Variants in PDE7B observed in about 807,000 individuals in gnomAD.
PDE7B encodes the protein phosphodiesterase 7B, also known as 3',5'-cyclic-AMP phosphodiesterase 7B.
A neutral mutation model predicts 56.2 loss-of-function variants in PDE7B; 29 were observed. That is an observed-to-expected ratio of 0.52 (90% CI 0.38 to 0.70). The LOEUF (loss-of-function observed/expected upper bound fraction) is 0.70, where lower values mean the gene tolerates loss of function less well. PDE7B is among the 30% of genes least tolerant of loss of function. The pLI, the probability that PDE7B is intolerant of heterozygous loss-of-function variation, is 0.00. For synonymous variants in PDE7B, 197 were observed against 196.9 expected (o/e 1.00, Z 0.00); for missense variants, 490 against 565.0 (o/e 0.87, Z 1.35).
At chr6:136,096,121 T>A (rs1777467769) in intron 2 of PDE7B, 1 of 152,226 alleles carries the variant, frequency 6.6e-6, no homozygotes, top group Non-Finnish European at 1.5e-5. Context: ...CCCAAATACT[T>A]CCTGGTGCTG....
intron 2 of PDE7B, among the ~76,000 whole-genome samples, chr6:135,985,531 T>G (rs966240133): frequency 6.6e-6 from 1 of 152,220 alleles, no homozygotes; most frequent in Non-Finnish European, 1.5e-5. Flanking sequence ...GGGAACAATT[T>G]CTTTGGACAT....
intron 2 of PDE7B, among the ~76,000 whole-genome samples, chr6:136,042,791 C>T (rs1288118592): frequency 3.3e-5 from 5 of 152,140 alleles, no homozygotes; most frequent in South Asian, 2.1e-4. Flanking sequence ...GAAGAATGAA[C>T]ATTTCGATCA....
At chr6:136,141,178 G>T (rs896912027) in intron 3 of PDE7B, among the ~76,000 whole-genome samples, 81 of 152,248 alleles carry the variant, frequency 5.3e-4, no homozygotes, top group African/African-American at 1.7e-3. Context: ...AGCATGAAGG[G>T]TTGTTGAATT....
intron 2 of PDE7B, among the ~76,000 whole-genome samples, chr6:136,045,585 T>C (rs1381761082): frequency 6.6e-6 from 1 of 152,114 alleles, no homozygotes; most frequent in Non-Finnish European, 1.5e-5. Flanking sequence ...AGAAAACTTG[T>C]CAGCCTTGTA....
At chr6:136,087,207 T>C (rs1777308103) in intron 2 of PDE7B, among the ~76,000 whole-genome samples, 1 of 152,224 alleles carries the variant, frequency 6.6e-6, no homozygotes, top group Admixed American at 6.5e-5. Context: ...CGTCGATTAA[T>C]GGAGCAAACA....
chr6:136,169,449 A>G (rs761567746), intron 8 of PDE7B, among the ~76,000 whole-genome samples: 34 of 152,136 alleles, frequency 2.2e-4, no homozygotes, highest in Non-Finnish European at 4.9e-4. Flanking sequence ...AAATTTCCTA[A>G]GTATCCTTTT....
chr6:136,076,786 T>C (rs1287842344), intron 2 of PDE7B, among the ~76,000 whole-genome samples: 1 of 152,000 alleles, frequency 6.6e-6, no homozygotes, highest in African/African-American at 2.4e-5. Context: ...ACAATGGCAA[T>C]GGGAACACCT....
intron 2 of PDE7B, among the ~76,000 whole-genome samples, chr6:136,010,141 A>G (rs1775866415): frequency 6.6e-6 from 1 of 152,148 alleles, no homozygotes; most frequent in South Asian, 2.1e-4. Context: ...CATTTGTTTC[A>G]AAGAACTTCT....
At chr6:136,171,575 T>C (rs890309961) in intron 8 of PDE7B, among the ~76,000 whole-genome samples, 8 of 152,164 alleles carry the variant, frequency 5.3e-5, no homozygotes, top group Non-Finnish European at 1.0e-4. Flanking sequence ...TAGTATAATC[T>C]TGGATTATGT....
intron 2 of PDE7B, chr6:136,038,026 A>G (rs1243620845): frequency 1.5e-6 from 2 of 1,318,012 alleles, no homozygotes; most frequent in African/African-American, 3.0e-5. Context: ...CTCACCAGAG[A>G]GAAACCTAGG....
intron 2 of PDE7B, among the ~76,000 whole-genome samples, chr6:136,017,398 T>C (rs1251082794): frequency 2.0e-5 from 3 of 152,310 alleles, no homozygotes; most frequent in African/African-American, 7.2e-5. Context: ...ACGTGCAGGT[T>C]TGTTACATAT....
chr6:136,045,531 G>T (rs1776487658), intron 2 of PDE7B, among the ~76,000 whole-genome samples: 1 of 152,120 alleles, frequency 6.6e-6, no homozygotes, highest in Non-Finnish European at 1.5e-5. Context: ...AATGCTGAGG[G>T]GTACTCCAGT....
At chr6:136,181,541 G>A (rs528095978) in intron 11 of PDE7B, among the ~76,000 whole-genome samples, 2 of 152,304 alleles carry the variant, frequency 1.3e-5, no homozygotes, top group Admixed American at 1.3e-4. Flanking sequence ...TACAGAAACA[G>A]GTAGTAATGA....
At chr6:135,906,827 T>TTTTTTTG (rs1562434150) in intron 1 of PDE7B, among the ~76,000 whole-genome samples, 2 of 133,544 alleles carry the variant, frequency 1.5e-5, no homozygotes, top group South Asian at 2.7e-4. Context: ...TTTTTTTTTT[T>TTTTTTTG]TTTTTTTTTA....
chr6:135,854,055 CTT>C (rs1774982401), intron 1 of PDE7B, among the ~76,000 whole-genome samples: 1 of 152,148 alleles, frequency 6.6e-6, no homozygotes, highest in Non-Finnish European at 1.5e-5. Context: ...AACACTGACA[CTT>C]TATTTTCAGC....
chr6:136,181,261 G>A lies in PDE7B; in HGVS notation c.983G>A (p.Cys328Tyr), dbSNP rs1463059494. 6.2e-7 allele frequency: 1 copy of A among 1,613,936 alleles called. No homozygotes were observed. Among genetic ancestry groups the A allele is most frequent in the Non-Finnish European group, 8.5e-7 (1 of 1,179,832 alleles). ...ALKCADICNP[C>Y]RIWEMSKQWS... ...AAGTGTGCTGACATTTGCAATCCTT[G>A]TAGAATCTGGGAGATGAGCAAGCAG... The change falls in exon 11 of 13, where the codon TGT (cysteine) becomes TAT (tyrosine). Residue 328 changes from cysteine (C) to tyrosine (Y), a missense_variant. Coordinates refer to ENST00000308191, the MANE Select transcript of PDE7B (RefSeq NM_018945.4).
chr6:135,958,281 C>T (rs1774835728), intron 2 of PDE7B, among the ~76,000 whole-genome samples: 1 of 152,236 alleles, frequency 6.6e-6, no homozygotes, highest in East Asian at 1.9e-4. Flanking sequence ...AATTCTGGTT[C>T]ATTTTCCGCT....
intron 2 of PDE7B, among the ~76,000 whole-genome samples, chr6:135,967,058 A>G (rs1247051228): frequency 6.6e-6 from 1 of 152,164 alleles, no homozygotes; most frequent in African/African-American, 2.4e-5. Context: ...ACTCATGGAT[A>G]TTCAGGTACA....
chr6:136,099,966 G>T lies in PDE7B; in HGVS notation c.83-8765G>T, dbSNP rs563652125. On this transcript the variant is annotated intron_variant, in intron 2 of 12. Coordinates refer to ENST00000308191, the MANE Select transcript of PDE7B (RefSeq NM_018945.4). ...AATTTTTGTATAAGGTATAAGGAAG[G>T]GATCCAGTTTCAGCTTTCTACATAT... Among the ~76,000 whole-genome samples, 5 of 152,258 alleles carry T rather than the reference G, an allele frequency of 3.3e-5. No homozygotes were observed. The East Asian group carries it at 9.7e-4, about 29-fold the overall frequency.
Sources: allele counts gnomAD v4.1 joint callset (sites outside exome capture counted in the v4.1 genomes callset), GRCh38; gene constraint gnomAD v4.1.1; transcripts MANE v1.5; gene names NCBI Gene and HGNC (gene_info 2026-07-23, HGNC 2026-07-21).